The following TIMM13 variants were observed in gnomAD, a reference collection of about 807,000 sequenced individuals.
The protein encoded by TIMM13 is mitochondrial import inner membrane translocase subunit Tim13.
In TIMM13, 8 loss-of-function variants were observed where a neutral mutation model predicts 10.9. The observed-to-expected ratio is 0.73, with a 90% CI of 0.43 to 1.32. The LOEUF is 1.32. Among genes scored for constraint, TIMM13 ranks in the 40% most tolerant of loss-of-function variants. The pLI is 0.01. For missense variants in TIMM13, 147 were observed against 132.8 expected, an observed-to-expected ratio of 1.11 and a Z score of -0.53; for synonymous variants, 68 against 52.5, an observed-to-expected ratio of 1.30 and a Z score of -1.28.
At position 2,427,500 on chromosome 19, in the gene TIMM13, A is replaced by G; in HGVS notation, c.34T>C (p.Ser12Pro). 2 of 1,611,034 alleles carry G rather than the reference A, an allele frequency of 1.2e-6. No individual in the cohort carries two copies. The highest frequency in any genetic ancestry group is 1.7e-6 in the Non-Finnish European group (2 of 1,179,108). ...EGGFGSDFGG[S>P]GSGKLDPGLI... The stretch of plus-strand genomic sequence containing the variant: ...CCTGGGTCCAGCTTCCCGCTGCCGG[A>G]GCCCCCGAAATCGGAGCCGAAGCCG... Residue 12 changes from serine (S) to proline (P), a missense_variant, in exon 1 of 3, where the codon TCC becomes CCC. Coordinates refer to ENST00000215570, the MANE Select transcript of TIMM13 (RefSeq NM_012458.4).
At position 2,425,724 on chromosome 19, in the gene TIMM13, A is replaced by G. The variant is rs1404054828; in HGVS notation, c.*1224T>C. The stretch of plus-strand genomic sequence containing the variant: ...CGGCGGCAGAGCAGGCAGAGGCTGC[A>G]GTGGGAGGCACCGTTCCACTCCGGG... On this transcript the variant is annotated 3_prime_UTR_variant, in exon 3 of 3. Coordinates refer to ENST00000215570, the MANE Select transcript of TIMM13 (RefSeq NM_012458.4). The G allele has an allele frequency of 7.9e-6, 9 of 1,145,770 alleles. No homozygotes were observed. The highest frequency in any genetic ancestry group is 1.1e-5 in the Non-Finnish European group (9 of 847,604). The allele number at this position is 1,145,770 out of a possible 1,614,324, so 71.0% of individuals were successfully genotyped here.
intron 1 of TIMM13, 34 bp downstream of exon 1, chr19:2,427,380 C>A: frequency 1.2e-6 from 2 of 1,611,774 alleles, no homozygotes; most frequent in Non-Finnish European, 1.7e-6. Flanking sequence ...GTGGCCCTGT[C>A]GCCCCCAGCG....
chr19:2,425,723 C>T lies in TIMM13; in HGVS notation c.*1225G>A. The T allele has an allele frequency of 8.8e-7, 1 of 1,140,622 alleles. No homozygotes were observed. 70.7% of individuals were successfully genotyped at this position (1,140,622 alleles called of 1,614,324 possible). A position where few individuals can be genotyped will look rare whatever the true frequency, so the allele number is the denominator to read the frequency against. On this transcript the variant is annotated 3_prime_UTR_variant, in exon 3 of 3. Coordinates refer to ENST00000215570, the MANE Select transcript of TIMM13 (RefSeq NM_012458.4). Reference sequence around the variant, plus strand: ...TCGGCGGCAGAGCAGGCAGAGGCTGCAGTGGGAGGCACCGTTCCACTCCGG... The same window carrying T: ...TCGGCGGCAGAGCAGGCAGAGGCTGTAGTGGGAGGCACCGTTCCACTCCGG...
In TIMM13 at chr19:2,427,278, C is replaced by A; in HGVS notation, c.167G>T (p.Gly56Val). The change falls in exon 2 of 3, where the codon GGC becomes GTC. Residue 56 changes from glycine (G) to valine (V), a missense_variant. Gly to Val is a moderately radical substitution (Grantham distance 109). Transcript: ENST00000215570. ...CACCTGCTCGGAGTTGTCCAGGGAG[C>A]CCCCAGGTTTCCCTATACACTTCCG... ...CFRKCIGKPGGSLDNSEQKCI... is the reference protein window; with the variant it reads ...CFRKCIGKPGVSLDNSEQKCI... 1.2e-6 allele frequency: 2 copies of A among 1,613,376 alleles called. No homozygotes were observed. Among genetic ancestry groups the A allele is most frequent in the Non-Finnish European group, 8.5e-7 (1 of 1,179,828 alleles).
Position 2,427,502 on chromosome 19 carries a change from C to A in TIMM13, c.32G>T (p.Gly11Val). The change falls in exon 1 of 3, where the codon GGC becomes GTC. Residue 11 changes from glycine (G) to valine (V), a missense_variant. Gly to Val is a moderately radical substitution (Grantham distance 109, BLOSUM62 -3). Transcript: ENST00000215570. ...TGGGTCCAGCTTCCCGCTGCCGGAGCCCCCGAAATCGGAGCCGAAGCCGCC... is the reference window on the plus strand; with the variant it reads ...TGGGTCCAGCTTCCCGCTGCCGGAGACCCCGAAATCGGAGCCGAAGCCGCC... MEGGFGSDFG[G>V]SGSGKLDPGL... 1.2e-6 allele frequency: 2 copies of A among 1,610,578 alleles called. No individual in the cohort carries two copies. The highest frequency in any genetic ancestry group is 1.7e-6 in the Non-Finnish European group (2 of 1,178,924).
At position 2,427,411 on chromosome 19, in the gene TIMM13, C is replaced by T. The variant is rs200866527; in HGVS notation, c.120+3G>A. 1.2e-6 allele frequency: 2 copies of T among 1,612,592 alleles called. No individual in the cohort carries two copies. Among genetic ancestry groups the T allele is most frequent in the Non-Finnish European group, 8.5e-7 (1 of 1,179,608 alleles). ...CAGCGCCCGTCCCCGGCCAGCCCCG[C>T]ACCTGCAGCAGCTCCTGCGCGTTGG... On this transcript the variant is annotated splice_donor_region_variant and intron_variant, in intron 1 of 2. Transcript: ENST00000215570.
chr19:2,426,116 T>C lies in TIMM13; in HGVS notation c.*832A>G. The C allele has an allele frequency of 6.6e-7, 1 of 1,506,714 alleles. No individual in the cohort carries two copies. The highest frequency in any genetic ancestry group is 8.8e-7 in the Non-Finnish European group (1 of 1,133,196). 93.3% of individuals were successfully genotyped at this position (1,506,714 alleles called of 1,614,324 possible). A position where few individuals can be genotyped will look rare whatever the true frequency, so the allele number is the denominator to read the frequency against. ...ACCACGTGACTGCCCAGGCCGAGACTCTACGTGAAAGCAACAGGAGCAGCA... is the reference window on the plus strand; with the variant it reads ...ACCACGTGACTGCCCAGGCCGAGACCCTACGTGAAAGCAACAGGAGCAGCA... On this transcript the variant is annotated 3_prime_UTR_variant, in exon 3 of 3. Transcript: ENST00000215570.
rs1005714531 is a variant in TIMM13 at position 2,425,737 on chromosome 19, G to T, written c.*1211C>A. 7.0e-6 allele frequency: 8 copies of T among 1,137,200 alleles called. No individual in the cohort carries two copies. The highest frequency in any genetic ancestry group is 1.6e-5 in the African/African-American group (1 of 62,738). The allele number at this position is 1,137,200 out of a possible 1,614,324, so 70.4% of individuals were successfully genotyped here. On this transcript the variant is annotated 3_prime_UTR_variant, in exon 3 of 3. Transcript: ENST00000215570. ...GGCAGAGGCTGCAGTGGGAGGCACC[G>T]TTCCACTCCGGGACCACGTGGCGGG...
At position 2,426,754 on chromosome 19, in the gene TIMM13, G is replaced by A. The variant is rs949291664; in HGVS notation, c.*194C>T. On this transcript the variant is annotated 3_prime_UTR_variant, in exon 3 of 3. Transcript: ENST00000215570. ...CTGCCAGCACTTCAGGAAGGCACAG[G>A]GCCCCACACCCCCGAGATCCAAGCT... The A allele has an allele frequency of 4.9e-5, 31 of 636,204 alleles. No individual in the cohort carries two copies. The highest frequency in any genetic ancestry group is 3.6e-4 in the Admixed American group (14 of 39,374). The allele number at this position is 636,204 out of a possible 1,614,324, so 39.4% of individuals were successfully genotyped here.
In TIMM13 at chr19:2,426,639, G is replaced by GAAGT; in HGVS notation, c.*305_*308dup. On this transcript the variant is annotated 3_prime_UTR_variant, in exon 3 of 3. Transcript: ENST00000215570. ...GTGGTGTCTGACCACCCCCAACTCCGAAGTCCAGACAAGCTGTCCGCCCAG... is the reference window on the plus strand; with the variant it reads ...GTGGTGTCTGACCACCCCCAACTCCGAAGTAAGTCCAGACAAGCTGTCCGCCCAG... 2 of 478,324 alleles carry GAAGT rather than the reference G, an allele frequency of 4.2e-6. No individual in the cohort carries two copies. The highest frequency in any genetic ancestry group is 1.1e-3 in the Middle Eastern group (2 of 1,800). 29.6% of individuals were successfully genotyped at this position (478,324 alleles called of 1,614,324 possible).
chr19:2,425,855 G>A lies in TIMM13; in HGVS notation c.*1093C>T, dbSNP rs914693387. ...GGAAGTCACTAGGGTCACTCCTAGA[G>A]GGGCCAATGACCCAAGGGCTGCTGT... On this transcript the variant is annotated 3_prime_UTR_variant, in exon 3 of 3. Coordinates refer to ENST00000215570, the MANE Select transcript of TIMM13 (RefSeq NM_012458.4). The A allele has an allele frequency of 3.3e-6, 5 of 1,506,194 alleles. No homozygotes were observed. The highest frequency in any genetic ancestry group is 4.4e-6 in the Non-Finnish European group (5 of 1,133,586). The allele number at this position is 1,506,194 out of a possible 1,614,324, so 93.3% of individuals were successfully genotyped here.
Position 2,427,170 on chromosome 19 carries a change from TCC to T in TIMM13, c.189+84_189+85del, listed in dbSNP as rs1309354165. On this transcript the variant is annotated intron_variant, in intron 2 of 2. Coordinates refer to ENST00000215570, the MANE Select transcript of TIMM13 (RefSeq NM_012458.4). ...CGTGCAGTGACCACTCCGTCGCACC[TCC>T]CCGTTAGTCTGCGCACGCGCAGACA... 48 of 1,574,914 alleles carry T rather than the reference TCC, an allele frequency of 3.0e-5. 1 individual carries two copies. The highest frequency in any genetic ancestry group is 2.2e-4 in the Admixed American group (13 of 58,400).
In TIMM13 at chr19:2,427,029, G is replaced by T. The variant is rs149391173; in HGVS notation, c.207C>A (p.Cys69Ter). The change falls in exon 3 of 3, where the codon TGC becomes TGA. Residue 69 changes from cysteine to a stop codon, truncating the protein, a stop_gained. Transcript: ENST00000215570. LOFTEE classifies it high-confidence loss of function. ...TCCAGGCGTCCATGTAGCGGTCCAT[G>T]CACATGGCGATGCACTTCTGCGGGA... is the stretch of plus-strand genomic sequence containing the variant. ...DNSEQKCIAM[C>*]MDRYMDAWNT... 1 of 1,609,206 alleles carries T rather than the reference G, an allele frequency of 6.2e-7. No homozygotes were observed. The highest frequency in any genetic ancestry group is 8.5e-7 in the Non-Finnish European group (1 of 1,178,682).
rs942574429 is a variant in TIMM13 at position 2,426,335 on chromosome 19, C to G, written c.*613G>C. On this transcript the variant is annotated 3_prime_UTR_variant, in exon 3 of 3. Transcript: ENST00000215570. ...TGCTCCACCAGGACCCGGGGTGGAA[C>G]GAAGCAGGGTCAAAGCAAGCCCTGA... 8 of 366,674 alleles carry G rather than the reference C, an allele frequency of 2.2e-5. No individual in the cohort carries two copies. The highest frequency in any genetic ancestry group is 1.8e-4 in the South Asian group (5 of 28,144). The allele number at this position is 366,674 out of a possible 1,614,324, so 22.7% of individuals were successfully genotyped here.
rs766817683 is a variant in TIMM13, at chr19:2,426,110, C to T, written c.*838G>A. On this transcript the variant is annotated 3_prime_UTR_variant, in exon 3 of 3. Coordinates refer to ENST00000215570, the MANE Select transcript of TIMM13 (RefSeq NM_012458.4). ...GTGACCACCACGTGACTGCCCAGGCCGAGACTCTACGTGAAAGCAACAGGA... is the reference window on the plus strand; with the variant it reads ...GTGACCACCACGTGACTGCCCAGGCTGAGACTCTACGTGAAAGCAACAGGA... 10 of 1,588,446 alleles carry T rather than the reference C, an allele frequency of 6.3e-6. No homozygotes were observed. Among genetic ancestry groups the T allele is most frequent in the African/African-American group, 2.7e-5 (2 of 73,524 alleles).
rs1411014488 is a variant in TIMM13, at chr19:2,426,626, C to G, written c.*322G>C. 6.5e-6 allele frequency: 3 copies of G among 461,620 alleles called. No individual in the cohort carries two copies. Among genetic ancestry groups the G allele is most frequent in the African/African-American group, 2.0e-5 (1 of 50,466 alleles). 28.6% of individuals were successfully genotyped at this position (461,620 alleles called of 1,614,324 possible). A position where few individuals can be genotyped will look rare whatever the true frequency, so the allele number is the denominator to read the frequency against. Reference sequence around the variant, plus strand: ...GGTGACAGCTCCTGTGGTGTCTGACCACCCCCAACTCCGAAGTCCAGACAA... The same window carrying G: ...GGTGACAGCTCCTGTGGTGTCTGACGACCCCCAACTCCGAAGTCCAGACAA... On this transcript the variant is annotated 3_prime_UTR_variant, in exon 3 of 3. Transcript: ENST00000215570.
At position 2,425,798 on chromosome 19, in the gene TIMM13, A is replaced by G. The variant is rs1971609467; in HGVS notation, c.*1150T>C. ...TGTCTGCCACCTTTGCATTGAGCCCATTTTCCAGATAGTGAAAATGCGGCT... is the reference window on the plus strand; with the variant it reads ...TGTCTGCCACCTTTGCATTGAGCCCGTTTTCCAGATAGTGAAAATGCGGCT... On this transcript the variant is annotated 3_prime_UTR_variant, in exon 3 of 3. Coordinates refer to ENST00000215570, the MANE Select transcript of TIMM13 (RefSeq NM_012458.4). 1.5e-6 allele frequency: 2 copies of G among 1,358,568 alleles called. No homozygotes were observed. Among genetic ancestry groups the G allele is most frequent in the South Asian group, 1.5e-5 (1 of 65,554 alleles). 84.2% of individuals were successfully genotyped at this position (1,358,568 alleles called of 1,614,324 possible). A position where few individuals can be genotyped will look rare whatever the true frequency, so the allele number is the denominator to read the frequency against.
chr19:2,425,647 T>C lies in TIMM13; in HGVS notation c.*1301A>G. 7.4e-7 allele frequency: 1 copy of C among 1,349,246 alleles called. No homozygotes were observed. Among genetic ancestry groups the C allele is most frequent in the Admixed American group, 3.2e-5 (1 of 30,972 alleles). 83.6% of individuals were successfully genotyped at this position (1,349,246 alleles called of 1,614,324 possible). On this transcript the variant is annotated 3_prime_UTR_variant, in exon 3 of 3. Transcript: ENST00000215570. The stretch of plus-strand genomic sequence containing the variant: ...GAGCCTTTTTGGCTCTGGAGGAATT[T>C]CCACTCCACAGCCGTTTATTGGGCA...
intron 1 of TIMM13, 33 bp from the exon 2 acceptor site, chr19:2,427,357 T>C (rs751865308): frequency 1.2e-6 from 2 of 1,612,716 alleles, no homozygotes; most frequent in African/African-American, 2.7e-5. Context: ...AGCCGCGACG[T>C]CGGCCCCCAG....
Sources: allele counts gnomAD v4.1 joint callset, GRCh38; gene constraint gnomAD v4.1.1; transcripts MANE v1.5; gene names NCBI Gene and HGNC (gene_info 2026-07-23, HGNC 2026-07-21).